Variants in ENTPD3 observed in about 807,000 individuals in gnomAD.
ENTPD3 encodes CD39 antigen-like 3.
Under a neutral mutation model 51.2 loss-of-function variants are expected in ENTPD3, and 60 were observed. The observed-to-expected ratio is 1.17, with a 90% CI of 0.95 to 1.45. The LOEUF is 1.45. Among genes scored for constraint, ENTPD3 ranks in the 40% most tolerant of loss-of-function variants. The pLI, the probability that ENTPD3 is intolerant of heterozygous loss-of-function variation, is 0.00. For synonymous variants in ENTPD3, 221 were observed against 238.4 expected, an observed-to-expected ratio of 0.93 and a Z score of 0.67; for missense variants, 593 against 641.1, an observed-to-expected ratio of 0.93 and a Z score of 0.81.
intron 1 of ENTPD3, 35 bp from the exon 2 acceptor site, chr3:40,388,011 G>A (rs758856451): frequency 1.3e-6 from 2 of 1,582,168 alleles, no homozygotes; most frequent in Non-Finnish European, 8.7e-7. Context: ...CCGGGGCGGT[G>A]GACTTACTGA....
intron 3 of ENTPD3, among the ~76,000 whole-genome samples, chr3:40,398,747 A>G (rs555977862): frequency 3.3e-5 from 5 of 152,220 alleles, no homozygotes; most frequent in Non-Finnish European, 5.9e-5. Flanking sequence ...CCCATTTCAA[A>G]CAAAACAAGC....
At chr3:40,424,884 A>G (rs1955953268) in intron 10 of ENTPD3, 5 of 669,128 alleles carry the variant, frequency 7.5e-6, no homozygotes. Context: ...ATCTACTTTT[A>G]CATAAATAAA....
intron 2 of ENTPD3, among the ~76,000 whole-genome samples, chr3:40,390,189 T>TA (rs1376045207): frequency 6.6e-6 from 1 of 152,182 alleles, no homozygotes. Flanking sequence ...GATGTCCCAA[T>TA]AGTTTTACCA....
At chr3:40,407,180 T>C (rs766778069) in intron 4 of ENTPD3, among the ~76,000 whole-genome samples, 4 of 152,150 alleles carry the variant, frequency 2.6e-5, no homozygotes, top group Non-Finnish European at 5.9e-5. Flanking sequence ...GAGATGGCTA[T>C]AAATCATCTG....
chr3:40,424,667 G>A (rs1250007654), intron 10 of ENTPD3: 5 of 688,172 alleles, frequency 7.3e-6, no homozygotes, highest in African/African-American at 5.3e-5. Context: ...GGTGACAGGT[G>A]AAAGGACCTC....
At chr3:40,389,978 T>C (rs746306508) in intron 2 of ENTPD3, among the ~76,000 whole-genome samples, 1 of 152,208 alleles carries the variant, frequency 6.6e-6, no homozygotes, top group African/African-American at 2.4e-5. Flanking sequence ...GGCTGCACTG[T>C]CCAATATAGT....
chr3:40,427,223 C>A, intron 10 of ENTPD3, 49 bp from the exon 11 acceptor site: 1 of 1,446,108 alleles, frequency 6.9e-7, no homozygotes, highest in South Asian at 1.1e-5. Context: ...TATGTGATTG[C>A]AGCCTTGAGC....
intron 4 of ENTPD3, among the ~76,000 whole-genome samples, chr3:40,402,027 C>T (rs1202575770): frequency 1.3e-5 from 2 of 151,184 alleles, no homozygotes; most frequent in Admixed American, 6.6e-5. Flanking sequence ...TATTTTATGC[C>T]GTATTTGCTT....
In ENTPD3 at chr3:40,414,758, G is replaced by A. The variant is rs1955705171; in HGVS notation, c.515G>A (p.Arg172Lys). ...SYFKSQPFDF[R>K]GAQIISGQEE... ...TTCAAGTCCCAGCCCTTTGACTTTA[G>A]GGGTGCTCAAATCATTTCTGGGCAA... Residue 172 changes from arginine to lysine, a missense_variant, in exon 6 of 11, where the codon AGG becomes AAG. Coordinates refer to ENST00000301825, the MANE Select transcript of ENTPD3 (RefSeq NM_001248.4). 6.2e-7 allele frequency: 1 copy of A among 1,613,956 alleles called. No individual in the cohort carries two copies. The highest frequency in any genetic ancestry group is 1.3e-5 in the African/African-American group (1 of 74,924).
At chr3:40,402,123 C>CTTTCT in intron 4 of ENTPD3, among the ~76,000 whole-genome samples, 1 of 95,072 alleles carries the variant, frequency 1.1e-5, no homozygotes, top group African/African-American at 3.9e-5. Flanking sequence ...TTTTTTTTTT[C>CTTTCT]TTTTTTTTTT....
rs563714055 is a variant in ENTPD3, at chr3:40,388,444, G to C, written c.40+347G>C. Among the ~76,000 whole-genome samples the C allele has an allele frequency of 3.9e-5, 6 of 152,178 alleles. No individual in the cohort carries two copies. The East Asian group carries it at 1.2e-3, about 29-fold the overall frequency. ...TTTGTGATCAATTGTACAGTACTTG[G>C]ATCTTTCCTGTATTCCCATCCAAAT... is the stretch of plus-strand genomic sequence containing the variant. On this transcript the variant is annotated intron_variant, in intron 2 of 10. Coordinates refer to ENST00000301825, the MANE Select transcript of ENTPD3 (RefSeq NM_001248.4).
chr3:40,421,239 G>T (rs1955866183), intron 7 of ENTPD3, among the ~76,000 whole-genome samples: 1 of 151,756 alleles, frequency 6.6e-6, no homozygotes, highest in Non-Finnish European at 1.5e-5. Flanking sequence ...GCCCAGGCTG[G>T]TCTCAAACTC....
chr3:40,395,815 C>T (rs957965474), intron 3 of ENTPD3, among the ~76,000 whole-genome samples: 1 of 152,154 alleles, frequency 6.6e-6, no homozygotes, highest in Non-Finnish European at 1.5e-5. Context: ...TTCTACATCA[C>T]AGTAGTAAGG....
At chr3:40,420,291 A>AGT (rs1197523530) in intron 7 of ENTPD3, among the ~76,000 whole-genome samples, 5 of 143,102 alleles carry the variant, frequency 3.5e-5, no homozygotes, top group African/African-American at 1.3e-4. Context: ...GCTGGAGTGC[A>AGT]GTGGTGTGAT....
intron 2 of ENTPD3, 86 bp downstream of exon 2, chr3:40,388,183 C>A (rs879228962): frequency 2.4e-6 from 3 of 1,227,356 alleles, no homozygotes; most frequent in Non-Finnish European, 2.4e-6. Context: ...TCATCCATAT[C>A]CCCTGCAAAT....
rs767985498 is a variant in ENTPD3, at chr3:40,423,319, G to T, written c.1133G>T (p.Ser378Ile). ...TTTGCAGGATTCTACTACACAGCCA[G>T]TGCTTTAAATCTTTCAGGTAGCTTT... The part of the protein sequence containing the change: ...VAFAGFYYTA[S>I]ALNLSGSFSL... The change falls in exon 9 of 11, where the codon AGT becomes ATT. Residue 378 changes from serine (S) to isoleucine (I), a missense_variant. Ser to Ile is a moderately radical substitution (Grantham distance 142, BLOSUM62 -2). Coordinates refer to ENST00000301825, the MANE Select transcript of ENTPD3 (RefSeq NM_001248.4). The T allele has an allele frequency of 1.2e-5, 20 of 1,613,966 alleles. No homozygotes were observed. The highest frequency in any genetic ancestry group is 1.7e-5 in the Non-Finnish European group (20 of 1,179,914).
intron 4 of ENTPD3, among the ~76,000 whole-genome samples, chr3:40,403,357 A>C (rs572447542): frequency 4.6e-5 from 7 of 152,286 alleles, no homozygotes; most frequent in Admixed American, 1.3e-4. Flanking sequence ...AGAGAGAAGT[A>C]CTGGACAAAA....
chr3:40,407,603 C>T (rs532434982), intron 4 of ENTPD3, among the ~76,000 whole-genome samples: 1 of 152,090 alleles, frequency 6.6e-6, no homozygotes, highest in African/African-American at 2.4e-5. Context: ...AGCTGAGTGT[C>T]ATCAGAATAC....
At chr3:40,420,299 G>T (rs1268854731) in intron 7 of ENTPD3, among the ~76,000 whole-genome samples, 3 of 149,518 alleles carry the variant, frequency 2.0e-5, no homozygotes, top group African/African-American at 7.4e-5. Context: ...GCAGTGGTGT[G>T]ATCTTGGCTC....
Sources: allele counts gnomAD v4.1 joint callset (sites outside exome capture counted in the v4.1 genomes callset), GRCh38; gene constraint gnomAD v4.1.1; transcripts MANE v1.5; gene names NCBI Gene and HGNC (gene_info 2026-07-23, HGNC 2026-07-21).